The following EEFSEC variants were observed in gnomAD, a reference collection of about 807,000 sequenced individuals.
EEFSEC encodes the protein eukaryotic elongation factor, selenocysteine-tRNA specific.
Under a neutral mutation model 42.1 loss-of-function variants are expected in EEFSEC, and 43 were observed. The ratio of observed to expected loss-of-function variants is 1.02; its 90% CI spans 0.80 to 1.32. The LOEUF is 1.32. Ranked by LOEUF, EEFSEC falls within the 40% of genes most tolerant of loss-of-function variation. The pLI, the probability that EEFSEC is intolerant of heterozygous loss-of-function variation, is 0.00. For synonymous variants in EEFSEC, 354 were observed against 339.1 expected (o/e 1.04, Z -0.48); for missense variants, 745 against 803.6 (o/e 0.93, Z 0.88).
intron 1 of EEFSEC, among the ~76,000 whole-genome samples, chr3:128,163,953 C>A (rs1241693423): frequency 2.8e-4 from 39 of 138,658 alleles, no homozygotes; most frequent in South Asian, 4.7e-4. Context: ...AAAAAAAAAA[C>A]AAAACTATTT....
At chr3:128,368,026 T>A (rs567209327) in intron 6 of EEFSEC, among the ~76,000 whole-genome samples, 3 of 152,360 alleles carry the variant, frequency 2.0e-5, no homozygotes, top group Non-Finnish European at 4.4e-5. Flanking sequence ...GCCAGGATGG[T>A]GCTGCCACAG....
chr3:128,364,550 G>C (rs1280215258), intron 6 of EEFSEC, among the ~76,000 whole-genome samples: 2 of 152,228 alleles, frequency 1.3e-5, no homozygotes, highest in African/African-American at 4.8e-5. Flanking sequence ...ATGGGATGGG[G>C]AGTCGGGAAC....
At chr3:128,185,672 CT>C (rs1449778313) in intron 1 of EEFSEC, among the ~76,000 whole-genome samples, 4 of 152,276 alleles carry the variant, frequency 2.6e-5, no homozygotes, top group Admixed American at 2.6e-4. Context: ...AGCAATCCTC[CT>C]GCTTCAGCAT....
Position 128,235,941 on chromosome 3 carries a change from GGTTTGTTTGTTT to G in EEFSEC, c.317-10866_317-10855del, listed in dbSNP as rs66797888. The stretch of plus-strand genomic sequence containing the variant: ...TGTCTCCCCTGTGTGGATGGGCAAA[GGTTTGTTTGTTT>G]GTTTGTTTGTTTGTTTGTTTGTTTG... On this transcript the variant is annotated intron_variant, in intron 1 of 6. Coordinates refer to ENST00000254730, the MANE Select transcript of EEFSEC (RefSeq NM_021937.5). Among the ~76,000 whole-genome samples, 45 of 149,192 alleles carry G rather than the reference GGTTTGTTTGTTT, an allele frequency of 3.0e-4. No homozygotes were observed. The East Asian group carries it at 5.0e-3, about 16-fold the overall frequency.
intron 4 of EEFSEC, among the ~76,000 whole-genome samples, chr3:128,274,609 A>C (rs1318350506): frequency 6.6e-6 from 1 of 152,200 alleles, no homozygotes; most frequent in Non-Finnish European, 1.5e-5. Context: ...GCACCCTACA[A>C]GTTGTCGTAT....
At position 128,262,209 on chromosome 3, in the gene EEFSEC, T is replaced by C; in HGVS notation, c.606T>C (p.Ile202=). Residue 202 remains isoleucine (I), a synonymous_variant, in exon 3 of 7, where the codon ATT becomes ATC. Coordinates refer to ENST00000254730, the MANE Select transcript of EEFSEC (RefSeq NM_021937.5). ...CCGAAACTGAAGCTCCACAGGGCAT[T>C]CCAGAGCTCATTGAGGTACTGTCAT... is the stretch of plus-strand genomic sequence containing the variant. ...EAPETEAPQG[I]PELIELLTSQ... is the part of the protein sequence containing the mutation. The C allele has an allele frequency of 6.2e-7, 1 of 1,614,086 alleles. No homozygotes were observed. The highest frequency in any genetic ancestry group is 8.5e-7 in the Non-Finnish European group (1 of 1,179,980).
At chr3:128,343,756 T>C (rs557237395) in intron 5 of EEFSEC, among the ~76,000 whole-genome samples, 1 of 152,208 alleles carries the variant, frequency 6.6e-6, no homozygotes, top group Admixed American at 6.5e-5. Context: ...CCTCAATGAC[T>C]CATGCCTCCG....
intron 6 of EEFSEC, among the ~76,000 whole-genome samples, chr3:128,362,760 T>C (rs1218935862): frequency 1.3e-5 from 2 of 152,222 alleles, no homozygotes; most frequent in Non-Finnish European, 2.9e-5. Flanking sequence ...GAGCCGTGAT[T>C]GAGAACATAG....
chr3:128,364,211 C>T (rs778382281), intron 6 of EEFSEC, among the ~76,000 whole-genome samples: 3 of 152,170 alleles, frequency 2.0e-5, no homozygotes, highest in Non-Finnish European at 4.4e-5. Flanking sequence ...GCTTAGGGCT[C>T]GGGCGGGGGA....
At chr3:128,273,339 T>C (rs376680039) in intron 4 of EEFSEC, among the ~76,000 whole-genome samples, 41 of 151,764 alleles carry the variant, frequency 2.7e-4, no homozygotes, top group African/African-American at 9.3e-4. Flanking sequence ...CAGGCAAAGA[T>C]GGAAGGTTGA....
chr3:128,304,171 T>C (rs1010748257), intron 4 of EEFSEC, among the ~76,000 whole-genome samples: 2 of 151,958 alleles, frequency 1.3e-5, no homozygotes, highest in Admixed American at 6.6e-5. Context: ...TACTGGTGCA[T>C]TTTTCAGATG....
rs780399817 is a variant in EEFSEC at position 128,153,757 on chromosome 3, C to T, written c.250C>T (p.Pro84Ser). Residue 84 changes from proline (P) to serine (S), a missense_variant, in exon 1 of 7, where the codon CCA becomes TCA. Transcript: ENST00000254730. ...APEAEPEPGE[P>S]LLQVTLVDCP... ...CGAGGCCGAGCCCGAGCCCGGCGAG[C>T]CACTGCTTCAGGTCACGCTGGTCGA... 1.1e-5 allele frequency: 17 copies of T among 1,545,584 alleles called. No homozygotes were observed. Among genetic ancestry groups the T allele is most frequent in the Non-Finnish European group, 1.4e-5 (16 of 1,153,904 alleles).
chr3:128,247,237 A>G (rs546211829), intron 2 of EEFSEC, among the ~76,000 whole-genome samples, 194 bp downstream of exon 2: 1 of 152,348 alleles, frequency 6.6e-6, no homozygotes, highest in Admixed American at 6.5e-5. Context: ...AAAGAGGCCA[A>G]AAACCACAGG....
At chr3:128,298,952 C>A (rs1332144660) in intron 4 of EEFSEC, among the ~76,000 whole-genome samples, 3 of 152,118 alleles carry the variant, frequency 2.0e-5, no homozygotes, top group Non-Finnish European at 2.9e-5. Context: ...AGCACATTTT[C>A]TTTATTCATT....
rs183957394 is a variant in EEFSEC, at chr3:128,267,476, G to A, written c.786+2695G>A. 2.8e-3 allele frequency among the ~76,000 whole-genome samples: 421 copies of A among 152,326 alleles called. 2 individuals are homozygous for A. Among genetic ancestry groups the A allele is most frequent in the Non-Finnish European group, 4.8e-3 (324 of 68,028 alleles). On this transcript the variant is annotated intron_variant, in intron 4 of 6. Transcript: ENST00000254730. ...TAGTCAGGAAAAGCAGAACTTGTAA[G>A]CAATGTACTGAGACATTTGGTTAAG...
At chr3:128,309,023 C>T (rs1267784133) in intron 4 of EEFSEC, among the ~76,000 whole-genome samples, 1 of 152,230 alleles carries the variant, frequency 6.6e-6, no homozygotes, top group Non-Finnish European at 1.5e-5. Context: ...TACTGGCTGC[C>T]AGATAGTCAA....
At chr3:128,380,195 G>A (rs568867124) in intron 6 of EEFSEC, among the ~76,000 whole-genome samples, 3 of 152,322 alleles carry the variant, frequency 2.0e-5, no homozygotes, top group South Asian at 4.1e-4. Flanking sequence ...GACAAGAGCC[G>A]AGGCCCCGAG....
intron 6 of EEFSEC, among the ~76,000 whole-genome samples, chr3:128,369,525 C>T (rs2067628830): frequency 6.6e-6 from 1 of 152,202 alleles, no homozygotes; most frequent in African/African-American, 2.4e-5. Context: ...TTAACTTTTA[C>T]TGAGAGACAT....
chr3:128,250,663 C>T (rs1381246159), intron 2 of EEFSEC, among the ~76,000 whole-genome samples: 2 of 152,136 alleles, frequency 1.3e-5, no homozygotes, highest in African/African-American at 4.8e-5. Flanking sequence ...GTTTCAAAGT[C>T]AGAAAGTATG....
Sources: allele counts gnomAD v4.1 joint callset (sites outside exome capture counted in the v4.1 genomes callset), GRCh38; gene constraint gnomAD v4.1.1; transcripts MANE v1.5; gene names NCBI Gene and HGNC (gene_info 2026-07-23, HGNC 2026-07-21).